Variants in MYO9A observed in about 807,000 individuals in gnomAD.
MYO9A encodes unconventional myosin-IXa.
MYO9A carries 103 observed loss-of-function variants against 293.3 expected under a neutral mutation model. That is an observed-to-expected ratio of 0.35 (90% CI 0.30 to 0.41). The LOEUF is 0.41. Ranked by LOEUF, MYO9A falls within the 10% of genes least tolerant of loss-of-function variation. The pLI, the probability that MYO9A is intolerant of heterozygous loss-of-function variation, is 1.00. For synonymous variants in MYO9A, 1,001 were observed against 1,035.7 expected (o/e 0.97, Z 0.64); for missense variants, 2,685 against 3,033.0 (o/e 0.89, Z 2.69).
intron 10 of MYO9A, chr15:71,993,554 T>A (rs552465570): frequency 6.6e-6 from 1 of 152,314 alleles, no homozygotes; most frequent in South Asian, 2.1e-4. Context: ...TTAGGAGATG[T>A]AAATCCTGAT....
At chr15:71,994,213 G>T (rs541530415) in intron 10 of MYO9A, among the ~76,000 whole-genome samples, 82 of 152,042 alleles carry the variant, frequency 5.4e-4, no homozygotes, top group African/African-American at 2.0e-3. Context: ...ATGTTTGAAA[G>T]AATACAGAGA....
At chr15:71,864,990 A>G (rs531966303) in intron 32 of MYO9A, among the ~76,000 whole-genome samples, 177 of 152,194 alleles carry the variant, frequency 1.2e-3, no homozygotes, top group Non-Finnish European at 1.6e-3. Context: ...TACAATACCA[A>G]TTGGTCTATT....
At chr15:71,881,167 A>G (rs1397981515) in intron 28 of MYO9A, among the ~76,000 whole-genome samples, 4 of 151,900 alleles carry the variant, frequency 2.6e-5, no homozygotes, top group Non-Finnish European at 5.9e-5. Flanking sequence ...CATCCCCCAA[A>G]TAACTGTCAA....
In MYO9A at chr15:71,830,135, C is replaced by G; in HGVS notation, c.7014G>C (p.Glu2338Asp). The G allele has an allele frequency of 1.2e-6, 2 of 1,614,130 alleles. No individual in the cohort carries two copies. Among genetic ancestry groups the G allele is most frequent in the Non-Finnish European group, 8.5e-7 (1 of 1,179,990 alleles). Residue 2338 changes from glutamate (E) to aspartate (D), a missense_variant, in exon 40 of 42, where the codon GAG becomes GAC. Coordinates refer to ENST00000356056, the MANE Select transcript of MYO9A (RefSeq NM_006901.4). Reference sequence around the variant, plus strand: ...TCTCCTTCTGTAGGTTCTCAATCTGCTCAGTCAGTACTCTCTCCTCCTGCT... The same window carrying G: ...TCTCCTTCTGTAGGTTCTCAATCTGGTCAGTCAGTACTCTCTCCTCCTGCT... ...AMQQEERVLT[E>D]QIENLQKEKE...
intron 1 of MYO9A, among the ~76,000 whole-genome samples, chr15:72,109,807 A>T (rs1402948866): frequency 6.6e-6 from 1 of 151,440 alleles, no homozygotes; most frequent in African/African-American, 2.4e-5. Context: ...AAGAATCAAG[A>T]ATCACTTGAA....
At chr15:72,042,468 GA>G (rs1202095665) in intron 2 of MYO9A, among the ~76,000 whole-genome samples, 1 of 151,954 alleles carries the variant, frequency 6.6e-6, no homozygotes, top group East Asian at 1.9e-4. Context: ...ATCCATTCCT[GA>G]AAAAAAGCTC....
intron 2 of MYO9A, chr15:72,040,292 A>G (rs955708311): frequency 1.3e-5 from 2 of 152,192 alleles, no homozygotes; most frequent in Admixed American, 6.6e-5. Flanking sequence ...ACTTAGATGC[A>G]CTTCTTTAGA....
At chr15:71,902,521 TAA>T (rs1411439894) in intron 22 of MYO9A, among the ~76,000 whole-genome samples, 2 of 151,874 alleles carry the variant, frequency 1.3e-5, no homozygotes, top group Admixed American at 1.3e-4. Context: ...AATCTCTTTG[TAA>T]AAGGAAAAAA....
intron 2 of MYO9A, among the ~76,000 whole-genome samples, chr15:72,039,305 A>G (rs2078155559): frequency 6.6e-6 from 1 of 152,196 alleles, no homozygotes; most frequent in African/African-American, 2.4e-5. Context: ...TCTAAAGTTC[A>G]CTGATTTGAA....
chr15:71,882,109 C>G (rs1441280595), intron 28 of MYO9A, among the ~76,000 whole-genome samples: 1 of 152,142 alleles, frequency 6.6e-6, no homozygotes, highest in East Asian at 1.9e-4. Flanking sequence ...ATCTTTCCTC[C>G]TTGTTTCTCT....
chr15:71,898,993 C>A lies in MYO9A; in HGVS notation c.3510G>T (p.Lys1170Asn). 2 of 1,612,516 alleles carry A rather than the reference C, an allele frequency of 1.2e-6. No individual in the cohort carries two copies. Among genetic ancestry groups the A allele is most frequent in the Non-Finnish European group, 1.7e-6 (2 of 1,179,072 alleles). The change falls in exon 25 of 42, where the codon AAG becomes AAT. Residue 1170 changes from lysine (K) to asparagine (N), a missense_variant. This residue lies in a region of MYO9A where 1,434 missense variants were observed against 1,497.7 expected (regional missense o/e 0.96). Transcript: ENST00000356056. Reference protein sequence around the residue: ...ALKEQRLRETKPEVGLVNIKG... With the variant: ...ALKEQRLRETNPEVGLVNIKG... ...TAATATTCACCAATCCAACTTCTGG[C>A]TTTGTTTCTCTTAGCCTTTGTTCTT...
At chr15:71,861,679 T>TAAAAAAAAAAAAAAAA (rs66598621) in intron 33 of MYO9A, among the ~76,000 whole-genome samples, 6 of 82,930 alleles carry the variant, frequency 7.2e-5, no homozygotes, top group Non-Finnish European at 1.0e-4. Context: ...ACTGATGATA[T>TAAAAAAAAAAAAAAAA]AAAAAAAAAA....
At chr15:71,961,124 A>G (rs532586613) in intron 13 of MYO9A, among the ~76,000 whole-genome samples, 1 of 152,334 alleles carries the variant, frequency 6.6e-6, no homozygotes. Flanking sequence ...GAAAGAATGG[A>G]AAAAAGGAGG....
At chr15:72,100,072 G>A (rs1398146258) in intron 1 of MYO9A, among the ~76,000 whole-genome samples, 1 of 151,776 alleles carries the variant, frequency 6.6e-6, no homozygotes, top group African/African-American at 2.4e-5. Flanking sequence ...AGTATAGCAA[G>A]ACCCCATCTC....
intron 34 of MYO9A, among the ~76,000 whole-genome samples, chr15:71,856,878 A>T (rs1306652694): frequency 2.6e-5 from 4 of 152,184 alleles, no homozygotes; most frequent in Non-Finnish European, 5.9e-5. Context: ...GTTATTTCAC[A>T]TTTGCAACAG....
intron 6 of MYO9A, among the ~76,000 whole-genome samples, chr15:72,012,224 T>C (rs2077194409): frequency 6.6e-6 from 1 of 152,206 alleles, no homozygotes; most frequent in Non-Finnish European, 1.5e-5. Flanking sequence ...ATGCATTTAA[T>C]TTTATTACTA....
chr15:71,850,493 C>T (rs911028968), intron 37 of MYO9A, among the ~76,000 whole-genome samples: 3 of 152,050 alleles, frequency 2.0e-5, no homozygotes, highest in Non-Finnish European at 2.9e-5. Flanking sequence ...CGGCCAGGCA[C>T]GGTGGCCCAC....
rs1009265996 is a variant in MYO9A, at chr15:71,822,716, C to T, written c.*3864G>A. ...CAAATACTTGGTTCAAAAGGTGCAACTTTTATATGACCTCAGAGGGCTGAT... is the reference window on the plus strand; with the variant it reads ...CAAATACTTGGTTCAAAAGGTGCAATTTTTATATGACCTCAGAGGGCTGAT... On this transcript the variant is annotated 3_prime_UTR_variant, in exon 42 of 42. Transcript: ENST00000356056. 1 of 152,138 alleles carries T rather than the reference C, an allele frequency of 6.6e-6. No individual in the cohort carries two copies. The highest frequency in any genetic ancestry group is 1.5e-5 in the Non-Finnish European group (1 of 68,030). 9.4% of individuals were successfully genotyped at this position (152,138 alleles called of 1,614,324 possible).
intron 35 of MYO9A, chr15:71,852,487 C>G: frequency 3.4e-6 from 1 of 292,516 alleles, no homozygotes; most frequent in East Asian, 7.3e-5. Context: ...CCTCAGCCTC[C>G]GGAGTAGCTG....
Sources: allele counts gnomAD v4.1 joint callset (sites outside exome capture counted in the v4.1 genomes callset), GRCh38; gene constraint gnomAD v4.1.1; regional missense constraint gnomAD v4.1.1; transcripts MANE v1.5; gene names NCBI Gene and HGNC (gene_info 2026-07-23, HGNC 2026-07-21).